Variants in ATP1B3 observed in about 807,000 individuals in gnomAD.
ATP1B3 encodes the protein sodium/potassium-transporting ATPase subunit beta-3.
In ATP1B3, 10 loss-of-function variants were observed where a neutral mutation model predicts 30.2. That is an observed-to-expected ratio of 0.33 (90% CI 0.20 to 0.56). The LOEUF (loss-of-function observed/expected upper bound fraction) is 0.56, where lower values mean the gene tolerates loss of function less well. Among genes scored for constraint, ATP1B3 ranks in the 20% least tolerant of loss-of-function variants. ATP1B3 has a pLI of 0.90. For missense variants in ATP1B3, 238 were observed against 336.7 expected (o/e 0.71, Z 2.29); for synonymous variants, 113 against 117.0 (o/e 0.97, Z 0.22).
intron 3 of ATP1B3, among the ~76,000 whole-genome samples, chr3:141,907,641 CAA>C (rs146369392): frequency 5.3e-5 from 7 of 131,628 alleles, no homozygotes; most frequent in East Asian, 2.1e-4. Flanking sequence ...AACTCCGTCT[CAA>C]AAAAAAAAAA....
At chr3:141,895,343 C>G (rs1934044301) in intron 1 of ATP1B3, among the ~76,000 whole-genome samples, 1 of 151,922 alleles carries the variant, frequency 6.6e-6, no homozygotes, top group African/African-American at 2.4e-5. Flanking sequence ...TGCCCGCTAC[C>G]ATGCCTGGCT....
At chr3:141,906,883 A>G (rs1419597714) in intron 2 of ATP1B3, among the ~76,000 whole-genome samples, 1 of 152,256 alleles carries the variant, frequency 6.6e-6, no homozygotes, top group African/African-American at 2.4e-5. Flanking sequence ...AGAAAGTTCA[A>G]AGTAAAATTG....
chr3:141,917,491 C>T (rs972686262), intron 5 of ATP1B3, among the ~76,000 whole-genome samples: 1 of 151,806 alleles, frequency 6.6e-6, no homozygotes, highest in Non-Finnish European at 1.5e-5. Context: ...GTCAAGAGAT[C>T]GAGACCATCC....
At chr3:141,895,618 T>C (rs1340380123) in intron 1 of ATP1B3, among the ~76,000 whole-genome samples, 1 of 152,236 alleles carries the variant, frequency 6.6e-6, no homozygotes, top group African/African-American at 2.4e-5. Context: ...TTGGTGGATA[T>C]TTGGGTTGTT....
At position 141,876,667 on chromosome 3, in the gene ATP1B3, C is replaced by A; in HGVS notation, c.-135C>A. 1 of 568,070 alleles carries A rather than the reference C, an allele frequency of 1.8e-6. No homozygotes were observed. The highest frequency in any genetic ancestry group is 3.0e-6 in the Non-Finnish European group (1 of 333,548). The allele number at this position is 568,070 out of a possible 1,614,324, so 35.2% of individuals were successfully genotyped here. A position where few individuals can be genotyped will look rare whatever the true frequency, so the allele number is the denominator to read the frequency against. ...CAGTCGGCTCGAGTACTCCCCGTAA[C>A]GAGGAGGTGTTCTCGGCCGTCCCAC... On this transcript the variant is annotated 5_prime_UTR_variant, in exon 1 of 7. Coordinates refer to ENST00000286371, the MANE Select transcript of ATP1B3 (RefSeq NM_001679.4).
In ATP1B3 at chr3:141,877,048, C is replaced by T. The variant is rs559933523; in HGVS notation, c.109+138C>T. 8.5e-4 allele frequency: 419 copies of T among 493,744 alleles called. 5 individuals are homozygous for T. In the East Asian group the frequency reaches 0.017, roughly 20 times the overall value. 30.6% of individuals were successfully genotyped at this position (493,744 alleles called of 1,614,324 possible). A position where few individuals can be genotyped will look rare whatever the true frequency, so the allele number is the denominator to read the frequency against. ...CGCCCGACCCTAACCCGGGCGGCGG[C>T]GGCGCAGTGCGGCCCCATTCATTGC... On this transcript the variant is annotated intron_variant, in intron 1 of 6. Coordinates refer to ENST00000286371, the MANE Select transcript of ATP1B3 (RefSeq NM_001679.4).
rs770068175 is a variant in ATP1B3, at chr3:141,925,694, G to A, written c.833G>A (p.Arg278His). 3.7e-6 allele frequency: 6 copies of A among 1,610,818 alleles called. No homozygotes were observed. Among genetic ancestry groups the A allele is most frequent in the East Asian group, 2.2e-5 (1 of 44,888 alleles). The change falls in exon 7 of 7, where the codon CGT (arginine) becomes CAT (histidine). Residue 278 changes from arginine to histidine, a missense_variant. By Grantham distance (29) the Arg-to-His change is conservative (BLOSUM62 0). Around this residue, in one of 3 missense-constraint regions of ATP1B3, gnomAD observed 50 missense variants for 62.3 expected, o/e 0.80. Transcript: ENST00000286371. ...LGRVMFKITA[R>H]A ...CGAGTTATGTTCAAAATCACAGCAC[G>A]TGCATAGTATGAGTAGGATATCTCC...
intron 1 of ATP1B3, chr3:141,902,120 T>G (rs1012924291): frequency 7.8e-7 from 1 of 1,289,340 alleles, no homozygotes; most frequent in Non-Finnish European, 1.0e-6. Context: ...ATTGGTCTTT[T>G]CTTTTTCTGC....
At chr3:141,881,200 C>T (rs1933718530) in intron 1 of ATP1B3, among the ~76,000 whole-genome samples, 1 of 132,644 alleles carries the variant, frequency 7.5e-6, no homozygotes, top group Non-Finnish European at 1.6e-5. Flanking sequence ...CAGGACTCCA[C>T]CTCCAAAAAA....
chr3:141,903,089 C>T (rs1489052677), intron 1 of ATP1B3: 4 of 154,298 alleles, frequency 2.6e-5, no homozygotes, highest in Admixed American at 6.3e-5. Flanking sequence ...TGGGCTCAGG[C>T]GATCCTCCCA....
At chr3:141,915,330 CTT>C (rs1188473786) in intron 4 of ATP1B3, among the ~76,000 whole-genome samples, 1 of 152,202 alleles carries the variant, frequency 6.6e-6, no homozygotes, top group African/African-American at 2.4e-5. Context: ...CAATACTTGT[CTT>C]TTGAGAGGAA....
In ATP1B3 at chr3:141,925,617, T is replaced by A; in HGVS notation, c.756T>A (p.Ile252=). 1 of 1,613,696 alleles carries A rather than the reference T, an allele frequency of 6.2e-7. No individual in the cohort carries two copies. The highest frequency in any genetic ancestry group is 8.5e-7 in the Non-Finnish European group (1 of 1,179,868). ...TGKEVTVECK[I]DGSANLKSQD... is the part of the protein sequence containing the mutation. The stretch of plus-strand genomic sequence containing the variant: ...AAGAAGTAACAGTTGAGTGCAAGAT[T>A]GATGGATCAGCCAACCTAAAAAGTC... The change falls in exon 7 of 7, where the codon ATT becomes ATA. Residue 252 remains isoleucine (I), a synonymous_variant. Transcript: ENST00000286371.
chr3:141,903,788 G>GT (rs763305749), intron 2 of ATP1B3, 40 bp downstream of exon 2: 27,815 of 1,323,228 alleles, frequency 0.021, 8 homozygotes, highest in East Asian at 0.027. Flanking sequence ...TTTGTTTTTT[G>GT]TTTTTTTTTT....
chr3:141,883,603 A>G (rs1933775560), intron 1 of ATP1B3, among the ~76,000 whole-genome samples: 1 of 152,192 alleles, frequency 6.6e-6, no homozygotes, highest in Admixed American at 6.5e-5. Context: ...TTGCCTATTT[A>G]CTAGACTATA....
intron 4 of ATP1B3, among the ~76,000 whole-genome samples, chr3:141,915,401 A>G (rs1432506962): frequency 1.3e-5 from 2 of 152,260 alleles, no homozygotes; most frequent in African/African-American, 2.4e-5. Context: ...ATGCCAAAAA[A>G]TTATCTCACA....
At chr3:141,899,684 A>G (rs1934126003) in intron 1 of ATP1B3, among the ~76,000 whole-genome samples, 1 of 152,186 alleles carries the variant, frequency 6.6e-6, no homozygotes, top group Non-Finnish European at 1.5e-5. Context: ...AGCCTGATGA[A>G]CATGGAGAAA....
chr3:141,925,838 G>A lies in ATP1B3; in HGVS notation c.*137G>A, dbSNP rs780703576. 35 of 1,100,616 alleles carry A rather than the reference G, an allele frequency of 3.2e-5. No homozygotes were observed. Among genetic ancestry groups the A allele is most frequent in the East Asian group, 1.5e-4 (6 of 40,890 alleles). The allele number at this position is 1,100,616 out of a possible 1,614,324, so 68.2% of individuals were successfully genotyped here. The stretch of plus-strand genomic sequence containing the variant: ...ACATGACATTGGGTTACATCATAAC[G>A]TGCTTCCAGATCATAGTGTTCAGTG... On this transcript the variant is annotated 3_prime_UTR_variant, in exon 7 of 7. Coordinates refer to ENST00000286371, the MANE Select transcript of ATP1B3 (RefSeq NM_001679.4).
chr3:141,924,041 G>A (rs892185459), intron 6 of ATP1B3, among the ~76,000 whole-genome samples: 1 of 152,146 alleles, frequency 6.6e-6, no homozygotes, highest in Non-Finnish European at 1.5e-5. Flanking sequence ...CATGTGGGGA[G>A]AAAATTAAAA....
chr3:141,907,088 G>C, intron 2 of ATP1B3, 79 bp from the exon 3 acceptor site: 3 of 1,063,932 alleles, frequency 2.8e-6, no homozygotes, highest in Non-Finnish European at 4.0e-6. Flanking sequence ...GTAATTTGCT[G>C]AGATCTGCTT....
Sources: gnomAD v4.1 joint callset for allele counts (sites outside exome capture counted in the v4.1 genomes callset) on GRCh38, gnomAD v4.1.1 for gene constraint, gnomAD v4.1.1 regional missense constraint, MANE v1.5 for transcripts, NCBI Gene and HGNC (gene_info 2026-07-23, HGNC 2026-07-21) for gene names.